The following KLHL4 variants were observed in gnomAD, a reference collection of about 807,000 sequenced individuals.
KLHL4 encodes the protein kelch like family member 4.
Under a neutral mutation model 45.8 loss-of-function variants are expected in KLHL4, and 17 were observed. That is an observed-to-expected ratio of 0.37 (90% CI 0.25 to 0.56). KLHL4 has a LOEUF of 0.56. Ranked by LOEUF, KLHL4 falls within the 20% of genes least tolerant of loss-of-function variation. The pLI, the probability that KLHL4 is intolerant of heterozygous loss-of-function variation, is 0.79. For missense variants in KLHL4, 544 were observed against 544.9 expected (o/e 1.00, Z 0.02); for synonymous variants, 224 against 189.9 (o/e 1.18, Z -1.47).
At chrX:87,547,077 G>C (rs1016433078) in intron 1 of KLHL4, among the ~76,000 whole-genome samples, 2 of 111,820 alleles carry the variant, frequency 1.8e-5, no homozygotes, top group Non-Finnish European at 3.8e-5. Context: ...AAGAATTGGG[G>C]TACTGTTGGG....
intron 3 of KLHL4, among the ~76,000 whole-genome samples, chrX:87,616,050 T>G (rs1922545508): frequency 9.0e-6 from 1 of 111,613 alleles, no homozygotes; most frequent in East Asian, 2.8e-4. Context: ...TAATGTAGCA[T>G]AGTATACTTT....
Position 87,666,733 on chromosome X carries a change from A to C in KLHL4, c.*199A>C. 1.0e-6 allele frequency: 1 copy of C among 965,104 alleles called. No individual in the cohort carries two copies. Among genetic ancestry groups the C allele is most frequent in the Non-Finnish European group, 1.3e-6 (1 of 768,471 alleles). The allele number at this position is 965,104 out of a possible 1,213,427, so 79.5% of individuals were successfully genotyped here. ...TTTAAACATGAATTACATATGAATT[A>C]TTAAGCATATGTGCTTTCGCAGCTG... On this transcript the variant is annotated 3_prime_UTR_variant, in exon 11 of 11. Transcript: ENST00000373119.
intron 9 of KLHL4, among the ~76,000 whole-genome samples, chrX:87,657,702 G>T (rs1364151498): frequency 9.0e-6 from 1 of 111,550 alleles, no homozygotes; most frequent in Non-Finnish European, 1.9e-5. Context: ...GTCTGTGCTT[G>T]ATCTTTACTA....
At chrX:87,590,829 A>G (rs1401626057) in intron 1 of KLHL4, among the ~76,000 whole-genome samples, 2 of 111,861 alleles carry the variant, frequency 1.8e-5, no homozygotes, top group Non-Finnish European at 3.8e-5. Flanking sequence ...ACATGATTTC[A>G]TTTGTTAAAG....
chrX:87,645,522 C>T (rs998818048), intron 9 of KLHL4, among the ~76,000 whole-genome samples: 1 of 111,342 alleles, frequency 9.0e-6, no homozygotes, highest in Admixed American at 9.6e-5. Context: ...AGTAGAACTA[C>T]CATTTGACCC....
chrX:87,614,644 T>TAG, intron 3 of KLHL4, 74 bp downstream of exon 3: 1 of 922,261 alleles, frequency 1.1e-6, no homozygotes, highest in Non-Finnish European at 1.5e-6. Context: ...GTAGTAGTAG[T>TAG]TATTATTGCT....
chrX:87,608,032 T>C (rs12560070), intron 1 of KLHL4, among the ~76,000 whole-genome samples: 4,397 of 111,549 alleles, frequency 0.039, 86 homozygotes, highest in East Asian at 0.14. Flanking sequence ...CACCTATCCT[T>C]CCCTATCTCA....
intron 1 of KLHL4, among the ~76,000 whole-genome samples, chrX:87,581,661 A>C (rs947758179): frequency 8.9e-6 from 1 of 112,570 alleles, no homozygotes; most frequent in Non-Finnish European, 1.9e-5. Flanking sequence ...AAAGAAAAAC[A>C]AAGGAACAAA....
intron 5 of KLHL4, among the ~76,000 whole-genome samples, chrX:87,625,288 T>A (rs982634673): frequency 8.9e-6 from 1 of 111,924 alleles, no homozygotes; most frequent in Non-Finnish European, 1.9e-5. Context: ...ACTTCTACAT[T>A]TCGGTTTGCT....
rs1318093707 is a variant in KLHL4 at position 87,595,274 on chromosome X, C to T, written c.423-18603C>T. On this transcript the variant is annotated intron_variant, in intron 1 of 10. Coordinates refer to ENST00000373119, the MANE Select transcript of KLHL4 (RefSeq NM_019117.5). ...AGTGCTAAACTCATTTCCGTTTCCA[C>T]GGTAAGAAAGTTCCAAACCTTCTTT... is the stretch of plus-strand genomic sequence containing the variant. Among the ~76,000 whole-genome samples, 23 of 110,990 alleles carry T rather than the reference C, an allele frequency of 2.1e-4. No individual in the cohort carries two copies. In the Admixed American group the frequency reaches 2.1e-3, roughly 10 times the overall value.
intron 1 of KLHL4, among the ~76,000 whole-genome samples, chrX:87,603,692 A>G (rs1434713412): frequency 1.8e-5 from 2 of 111,061 alleles, no homozygotes; most frequent in Non-Finnish European, 3.8e-5. Flanking sequence ...ATTTATATGC[A>G]TCATACATAT....
intron 1 of KLHL4, among the ~76,000 whole-genome samples, chrX:87,529,076 C>A (rs749364517): frequency 2.6e-4 from 28 of 109,544 alleles, no homozygotes; most frequent in South Asian, 3.9e-4. Flanking sequence ...AAAAAAAAAA[C>A]CATTGTCTTT....
intron 1 of KLHL4, among the ~76,000 whole-genome samples, chrX:87,542,660 ACTCAATTACT>A: frequency 8.9e-6 from 1 of 112,080 alleles, no homozygotes; most frequent in African/African-American, 3.2e-5. Context: ...GGGAACATTT[ACTCAATTACT>A]GCAGCCCCAT....
At chrX:87,535,506 C>A (rs1038284939) in intron 1 of KLHL4, among the ~76,000 whole-genome samples, 3 of 111,592 alleles carry the variant, frequency 2.7e-5, no homozygotes, top group Non-Finnish European at 5.6e-5. Context: ...TCATTTTATT[C>A]CACTCTTTGC....
intron 9 of KLHL4, among the ~76,000 whole-genome samples, chrX:87,651,168 G>T (rs751743298): frequency 5.4e-5 from 6 of 111,480 alleles, no homozygotes; most frequent in Admixed American, 9.6e-5. Context: ...AATATCTTAG[G>T]TGAGGCAGGT....
rs367832495 is a variant in KLHL4, at chrX:87,564,690, C to T, written c.422+46375C>T. On this transcript the variant is annotated intron_variant, in intron 1 of 10. Transcript: ENST00000373119. ...TATGAAGAAAAAACCGATAAAATTGCAGGGAGGGATAGACAGTTCAAGAAT... is the reference window on the plus strand; with the variant it reads ...TATGAAGAAAAAACCGATAAAATTGTAGGGAGGGATAGACAGTTCAAGAAT... 7.2e-5 allele frequency among the ~76,000 whole-genome samples: 8 copies of T among 111,426 alleles called. No homozygotes were observed. In the East Asian group the frequency reaches 2.0e-3, roughly 28 times the overall value.
intron 1 of KLHL4, among the ~76,000 whole-genome samples, chrX:87,524,464 A>G (rs1931070092): frequency 9.0e-6 from 1 of 111,728 alleles, no homozygotes; most frequent in Admixed American, 9.5e-5. Context: ...TGTAATGACA[A>G]TAATATTTAC....
intron 1 of KLHL4, among the ~76,000 whole-genome samples, chrX:87,604,340 A>G (rs1922121078): frequency 9.0e-6 from 1 of 111,431 alleles, no homozygotes; most frequent in African/African-American, 3.3e-5. Context: ...AGAAATCTAC[A>G]TGCTGTTTTC....
At chrX:87,590,438 A>G (rs1269542272) in intron 1 of KLHL4, among the ~76,000 whole-genome samples, 3 of 111,779 alleles carry the variant, frequency 2.7e-5, no homozygotes, top group Non-Finnish European at 5.6e-5. Flanking sequence ...TACAGATTCA[A>G]TACTATCCCT....
Sources: gnomAD v4.1 joint callset for allele counts (sites outside exome capture counted in the v4.1 genomes callset) on GRCh38, gnomAD v4.1.1 for gene constraint, MANE v1.5 for transcripts, NCBI Gene and HGNC (gene_info 2026-07-23, HGNC 2026-07-21) for gene names.